PRUNE2: variants seen among roughly 807,000 people sequenced by gnomAD.
The protein encoded by PRUNE2 is prune homolog 2 with BCH domain.
Under a neutral mutation model 252.0 loss-of-function variants are expected in PRUNE2, and 164 were observed. The observed-to-expected ratio is 0.65, with a 90% confidence interval of 0.57 to 0.74. The LOEUF (loss-of-function observed/expected upper bound fraction) is 0.74, where lower values mean the gene tolerates loss of function less well. Among genes scored for constraint, PRUNE2 ranks in the 30% least tolerant of loss-of-function variants. The pLI, the probability that PRUNE2 is intolerant of heterozygous loss-of-function variation, is 0.00. For synonymous variants in PRUNE2, 1,292 were observed against 1,350.2 expected, an observed-to-expected ratio of 0.96 and a Z score of 0.94; for missense variants, 3,495 against 3,711.0, an observed-to-expected ratio of 0.94 and a Z score of 1.51.
chr9:76,866,804 G>A (rs892715220), intron 1 of PRUNE2, among the ~76,000 whole-genome samples: 5 of 152,014 alleles, frequency 3.3e-5, no homozygotes, highest in Admixed American at 6.6e-5. Context: ...GAGAATGGAA[G>A]GAAGAGGAAG....
intron 7 of PRUNE2, among the ~76,000 whole-genome samples, chr9:76,712,618 TAA>T (rs1341034174): frequency 6.6e-6 from 1 of 152,208 alleles, no homozygotes; most frequent in Non-Finnish European, 1.5e-5. Flanking sequence ...GGTCTACTGC[TAA>T]AAGTGATGTG....
intron 6 of PRUNE2, among the ~76,000 whole-genome samples, chr9:76,810,139 T>G (rs59849264): frequency 0.012 from 1,847 of 152,308 alleles, 31 homozygotes; most frequent in African/African-American, 0.041. Context: ...CTAGATTACA[T>G]CATGGTATCA....
chr9:76,788,293 C>A (rs2055209573), intron 6 of PRUNE2: 1 of 611,642 alleles, frequency 1.6e-6, no homozygotes, highest in Non-Finnish European at 3.0e-6. Flanking sequence ...ATATTCTAGT[C>A]GAAAGAAACA....
intron 6 of PRUNE2, among the ~76,000 whole-genome samples, chr9:76,722,767 A>C (rs1376833442): frequency 1.3e-5 from 2 of 152,176 alleles, no homozygotes; most frequent in Non-Finnish European, 2.9e-5. Context: ...TGGAAGGTTA[A>C]GTAACTGATG....
At chr9:76,745,024 A>G (rs2049979909) in intron 6 of PRUNE2, among the ~76,000 whole-genome samples, 1 of 152,202 alleles carries the variant, frequency 6.6e-6, no homozygotes, top group African/African-American at 2.4e-5. Flanking sequence ...TATTGCTTTA[A>G]CAAGCCCTGG....
At chr9:76,819,530 G>C (rs1161401016) in intron 6 of PRUNE2, 2 of 152,200 alleles carry the variant, frequency 1.3e-5, no homozygotes, top group African/African-American at 2.4e-5. Context: ...CTAGCCTCTA[G>C]AGCTGTGAGA....
rs148939521 is a variant in PRUNE2, at chr9:76,648,701, C to T, written c.8557+3782G>A. 9.9e-5 allele frequency among the ~76,000 whole-genome samples: 15 copies of T among 152,228 alleles called. No homozygotes were observed. The East Asian group carries it at 1.3e-3, about 14-fold the overall frequency. On this transcript the variant is annotated intron_variant, in intron 11 of 18. Coordinates refer to ENST00000376718, the MANE Select transcript of PRUNE2 (RefSeq NM_015225.3). The stretch of plus-strand genomic sequence containing the variant: ...AGCACAGAGAATTAAGGCAGAAAAA[C>T]GATTCTGTATGATACTACAATGGTG...
At chr9:76,825,263 TG>T (rs940378618) in intron 5 of PRUNE2, among the ~76,000 whole-genome samples, 1 of 152,226 alleles carries the variant, frequency 6.6e-6, no homozygotes, top group African/African-American at 2.4e-5. Context: ...CTACCATGGC[TG>T]ATCTCAAGCT....
chr9:76,695,785 AG>A (rs1174642288), intron 9 of PRUNE2, among the ~76,000 whole-genome samples: 1 of 152,184 alleles, frequency 6.6e-6, no homozygotes, highest in Non-Finnish European at 1.5e-5. Context: ...TCTAAGCAAC[AG>A]GGGTACCGTG....
At chr9:76,698,735 C>T (rs984198298) in intron 9 of PRUNE2, among the ~76,000 whole-genome samples, 18 of 151,948 alleles carry the variant, frequency 1.2e-4, no homozygotes, top group Admixed American at 9.8e-4. Flanking sequence ...TCTGACTTCA[C>T]GAAAAACAAA....
chr9:76,824,891 G>C (rs543344938), intron 5 of PRUNE2, among the ~76,000 whole-genome samples: 1 of 152,198 alleles, frequency 6.6e-6, no homozygotes, highest in Admixed American at 6.5e-5. Flanking sequence ...TGAAGACATT[G>C]TGACATTAAA....
intron 9 of PRUNE2, among the ~76,000 whole-genome samples, chr9:76,666,300 A>C (rs944675377): frequency 4.6e-5 from 7 of 151,694 alleles, no homozygotes; most frequent in Non-Finnish European, 4.4e-5. Context: ...TTTAGAGAAG[A>C]CTCTACTCCT....
chr9:76,799,128 G>C (rs1254393307), intron 6 of PRUNE2, among the ~76,000 whole-genome samples: 1 of 152,146 alleles, frequency 6.6e-6, no homozygotes, highest in Admixed American at 6.6e-5. Flanking sequence ...ATCGCCTGAG[G>C]TCAGGAGTTT....
Position 76,637,523 on chromosome 9 carries a change from A to G in PRUNE2, c.8858T>C (p.Met2953Thr). ...CACAATCATATAGTCTTCAGCTACC[A>G]TCAACTCTAAAGTACTTATTACATA... ...FLYVISTLEL[M>T]VAEDYMIVYL... The change falls in exon 14 of 19, where the codon ATG (methionine) becomes ACG (threonine). Residue 2953 changes from methionine (M) to threonine (T), a missense_variant. Physicochemically the swap from Met to Thr is moderately conservative, Grantham distance 81. Coordinates refer to ENST00000376718, the MANE Select transcript of PRUNE2 (RefSeq NM_015225.3). 1 of 1,613,436 alleles carries G rather than the reference A, an allele frequency of 6.2e-7. No homozygotes were observed. Among genetic ancestry groups the G allele is most frequent in the Non-Finnish European group, 8.5e-7 (1 of 1,179,602 alleles).
At chr9:76,649,281 A>C (rs1846188990) in intron 11 of PRUNE2, among the ~76,000 whole-genome samples, 1 of 152,198 alleles carries the variant, frequency 6.6e-6, no homozygotes, top group Admixed American at 6.5e-5. Context: ...ATACACAGAC[A>C]CGTTTATTTT....
At chr9:76,615,129 A>C in intron 18 of PRUNE2, 2 of 985,668 alleles carry the variant, frequency 2.0e-6, no homozygotes, top group South Asian at 4.7e-5. Flanking sequence ...ACTAAAGAAA[A>C]GCTTGTTTTT....
chr9:76,894,029 T>A (rs1740294714), intron 1 of PRUNE2, among the ~76,000 whole-genome samples: 1 of 152,224 alleles, frequency 6.6e-6, no homozygotes, highest in Admixed American at 6.5e-5. Flanking sequence ...CTCTTGTTTA[T>A]CTTTTTCTGT....
chr9:76,752,732 T>C (rs2050746531), intron 6 of PRUNE2, among the ~76,000 whole-genome samples: 1 of 152,192 alleles, frequency 6.6e-6, no homozygotes, highest in African/African-American at 2.4e-5. Flanking sequence ...GGTATTAATA[T>C]CATTCCCCAA....
intron 9 of PRUNE2, among the ~76,000 whole-genome samples, chr9:76,668,879 T>A (rs2040744829): frequency 6.7e-6 from 1 of 149,848 alleles, no homozygotes; most frequent in Non-Finnish European, 1.5e-5. Context: ...TCGCTCACAA[T>A]TCTGGAGGTT....
Sources: allele counts gnomAD v4.1 joint callset (sites outside exome capture counted in the v4.1 genomes callset), GRCh38; gene constraint gnomAD v4.1.1; transcripts MANE v1.5; gene names NCBI Gene and HGNC (gene_info 2026-07-23, HGNC 2026-07-21).